The following RYR2 variants were observed in gnomAD, a reference collection of about 807,000 sequenced individuals.
The protein encoded by RYR2 is cardiac muscle ryanodine receptor-calcium release channel.
RYR2 carries 227 observed loss-of-function variants against 601.1 expected under a neutral mutation model. The observed-to-expected ratio is 0.38, with a 90% CI of 0.34 to 0.42. RYR2 has a LOEUF of 0.42. Among genes scored for constraint, RYR2 ranks in the 10% least tolerant of loss-of-function variants. RYR2 has a pLI of 1.00. For missense variants in RYR2, 4,646 were observed against 6,156.5 expected, an observed-to-expected ratio of 0.75 and a Z score of 8.21; for synonymous variants, 2,223 against 2,175.1, an observed-to-expected ratio of 1.02 and a Z score of -0.61.
chr1:237,553,899 CAGTT>C (rs1670638751), intron 27 of RYR2, among the ~76,000 whole-genome samples: 1 of 151,820 alleles, frequency 6.6e-6, no homozygotes, highest in Non-Finnish European at 1.5e-5. Flanking sequence ...ATTTATATGT[CAGTT>C]CTATTTTTTT....
At chr1:237,204,319 TTA>T (rs1383926648) in intron 1 of RYR2, among the ~76,000 whole-genome samples, 3 of 152,208 alleles carry the variant, frequency 2.0e-5, no homozygotes, top group Non-Finnish European at 4.4e-5. Context: ...CATGTCTTTG[TTA>T]TATCAGTAGT....
intron 1 of RYR2, among the ~76,000 whole-genome samples, chr1:237,130,673 G>A (rs1672065682): frequency 6.6e-6 from 1 of 150,642 alleles, no homozygotes; most frequent in Non-Finnish European, 1.5e-5. Flanking sequence ...TCCAGCCTGG[G>A]TGACAGAGCG....
chr1:237,665,397 CAAAAAA>C (rs71162408), intron 56 of RYR2, among the ~76,000 whole-genome samples: 8 of 95,600 alleles, frequency 8.4e-5, no homozygotes, highest in Non-Finnish European at 1.2e-4. Flanking sequence ...GACTCTGTCT[CAAAAAA>C]AAAAAAAAAA....
At chr1:237,637,460 G>T (rs1046962768) in intron 44 of RYR2, among the ~76,000 whole-genome samples, 2 of 152,196 alleles carry the variant, frequency 1.3e-5, no homozygotes, top group Non-Finnish European at 2.9e-5. Flanking sequence ...ATACTGAAAA[G>T]TGGGTCATCT....
chr1:237,597,383 G>A (rs1676008804), intron 34 of RYR2, among the ~76,000 whole-genome samples: 1 of 151,348 alleles, frequency 6.6e-6, no homozygotes, highest in Non-Finnish European at 1.5e-5. Flanking sequence ...CTGGGTTCAA[G>A]CAATTCTCAT....
chr1:237,092,776 C>T (rs1412620738), intron 1 of RYR2, among the ~76,000 whole-genome samples: 1 of 152,202 alleles, frequency 6.6e-6, no homozygotes, highest in Non-Finnish European at 1.5e-5. Flanking sequence ...AGTGATCCAC[C>T]TGCCTCATCC....
chr1:237,072,180 G>T (rs1001432721), intron 1 of RYR2, among the ~76,000 whole-genome samples: 1 of 152,172 alleles, frequency 6.6e-6, no homozygotes, highest in Non-Finnish European at 1.5e-5. Context: ...TGTTCCTCGT[G>T]CCCTCCGGCT....
intron 12 of RYR2, among the ~76,000 whole-genome samples, chr1:237,440,564 G>A (rs1363077141): frequency 6.6e-6 from 1 of 152,174 alleles, no homozygotes; most frequent in Non-Finnish European, 1.5e-5. Context: ...AAAAACATTT[G>A]GCTGGTGTCA....
intron 10 of RYR2, among the ~76,000 whole-genome samples, chr1:237,408,078 T>C (rs1704087462): frequency 6.6e-6 from 1 of 152,114 alleles, no homozygotes; most frequent in Admixed American, 6.6e-5. Flanking sequence ...GAAGCCCAAC[T>C]TACCAATTTT....
rs201580943 is a variant in RYR2 at position 237,264,701 on chromosome 1, T to TA, written c.49-5796_49-5795insA. On this transcript the variant is annotated intron_variant, in intron 1 of 104. Coordinates refer to ENST00000366574, the MANE Select transcript of RYR2 (RefSeq NM_001035.3). ...GTTTATTTTTTATTATTATTATTAT[T>TA]TTTTTTTTTTTGAGACGGAGTCTTG... Among the ~76,000 whole-genome samples the TA allele has an allele frequency of 1.6e-3, 165 of 105,754 alleles. 1 individual carries two copies. The highest frequency in any genetic ancestry group is 4.7e-3 in the African/African-American group (138 of 29,122). 69.4% of individuals were successfully genotyped at this position (105,754 alleles called of 152,430 possible). A position where few individuals can be genotyped will look rare whatever the true frequency, so the allele number is the denominator to read the frequency against.
rs750016196 is a variant in RYR2, at chr1:237,639,145, C to T, written c.7059C>T (p.Ile2353=). 6 of 1,613,780 alleles carry T rather than the reference C, an allele frequency of 3.7e-6. No homozygotes were observed. Among genetic ancestry groups the T allele is most frequent in the East Asian group, 2.2e-5 (1 of 44,866 alleles). The change falls in exon 46 of 105, where the codon ATC becomes ATT. Residue 2353 remains isoleucine (I), a synonymous_variant. Transcript: ENST00000366574. ...LLAAMEEAIK[I]AEDPSRDGPS... ...CAGCAATGGAAGAAGCCATCAAAATCGCCGAGGATCCTTCCCGAGATGGTC... is the reference window on the plus strand; with the variant it reads ...CAGCAATGGAAGAAGCCATCAAAATTGCCGAGGATCCTTCCCGAGATGGTC...
In RYR2 at chr1:237,784,549, G is replaced by A. The variant is rs750117613; in HGVS notation, c.12837G>A (p.Met4279Ile). 1.1e-5 allele frequency: 18 copies of A among 1,613,790 alleles called. No individual in the cohort carries two copies. Among genetic ancestry groups the A allele is most frequent in the Admixed American group, 5.0e-5 (3 of 60,002 alleles). ...KKVKKMTVKDMVTAFFSSYWS... is the reference protein window; with the variant it reads ...KKVKKMTVKDIVTAFFSSYWS... The stretch of plus-strand genomic sequence containing the variant: ...TAAAAAAGATGACCGTGAAGGACAT[G>A]GTCACGGCCTTCTTTTCATCCTACT... Residue 4279 changes from methionine to isoleucine, a missense_variant, in exon 90 of 105, where the codon ATG becomes ATA. Met to Ile is a conservative substitution (Grantham distance 10). Coordinates refer to ENST00000366574, the MANE Select transcript of RYR2 (RefSeq NM_001035.3). The surrounding 1 kb of genome is among the most constrained non-coding windows in gnomAD (Gnocchi z 7.1).
At chr1:237,108,264 T>C (rs1476278796) in intron 1 of RYR2, among the ~76,000 whole-genome samples, 2 of 152,160 alleles carry the variant, frequency 1.3e-5, no homozygotes, top group African/African-American at 4.8e-5. Flanking sequence ...CTACACCTGT[T>C]GGAGGGATCG....
intron 1 of RYR2, among the ~76,000 whole-genome samples, chr1:237,054,914 C>G (rs1661785491): frequency 6.6e-6 from 1 of 152,120 alleles, no homozygotes; most frequent in Non-Finnish European, 1.5e-5. Context: ...GGGCCACTTT[C>G]CAGTCTTCTC....
intron 1 of RYR2, among the ~76,000 whole-genome samples, chr1:237,148,527 A>ATATATATATAT (rs1158996552): frequency 1.3e-4 from 11 of 83,916 alleles, no homozygotes; most frequent in African/African-American, 1.7e-4. Flanking sequence ...AAAAAAAAAA[A>ATATATATATAT]ATATATATAT....
At chr1:237,345,612 T>A (rs1033448059) in intron 3 of RYR2, among the ~76,000 whole-genome samples, 2 of 152,048 alleles carry the variant, frequency 1.3e-5, no homozygotes, top group Non-Finnish European at 2.9e-5. Context: ...TTCTATTAAT[T>A]TTAGCTAAGC....
intron 1 of RYR2, among the ~76,000 whole-genome samples, chr1:237,216,821 A>G (rs1362455297): frequency 6.6e-6 from 1 of 152,154 alleles, no homozygotes; most frequent in Non-Finnish European, 1.5e-5. Context: ...TGTGTTCAAT[A>G]TACTATATAG....
At chr1:237,380,840 G>A (rs1046145403) in intron 8 of RYR2, among the ~76,000 whole-genome samples, 1 of 152,070 alleles carries the variant, frequency 6.6e-6, no homozygotes, top group African/African-American at 2.4e-5. Context: ...CACTCTGGAA[G>A]GCCGAGGCGG....
At chr1:237,193,165 T>TGCAAAAAAAAAAAAAAAA (rs1402978522) in intron 1 of RYR2, among the ~76,000 whole-genome samples, 3 of 2,744 alleles carry the variant, frequency 1.1e-3, no homozygotes, top group African/African-American at 1.9e-3. Context: ...CTGCTAAAAG[T>TGCAAAAAAAAAAAAAAAA]ACAAAAAAAA....
Sources: gnomAD v4.1 joint callset for allele counts (sites outside exome capture counted in the v4.1 genomes callset) on GRCh38, gnomAD v4.1.1 for gene constraint, Gnocchi (gnomAD v3.1) non-coding constraint, MANE v1.5 for transcripts, NCBI Gene and HGNC (gene_info 2026-07-23, HGNC 2026-07-21) for gene names.